Variants in CDH10 observed in about 807,000 individuals in gnomAD.
The protein encoded by CDH10 is cadherin 10.
A neutral mutation model predicts 73.1 loss-of-function variants in CDH10; 30 were observed. That is an observed-to-expected ratio of 0.41 (90% CI 0.31 to 0.56). CDH10 has a LOEUF of 0.56. Ranked by LOEUF, CDH10 falls within the 20% of genes least tolerant of loss-of-function variation. CDH10 has a pLI of 0.27. For synonymous variants in CDH10, 345 were observed against 348.2 expected (o/e 0.99, Z 0.10); for missense variants, 815 against 973.7 (o/e 0.84, Z 2.17).
intron 2 of CDH10, among the ~76,000 whole-genome samples, chr5:24,575,217 C>A (rs1373030570): frequency 6.6e-6 from 1 of 151,624 alleles, no homozygotes; most frequent in Admixed American, 6.6e-5. Flanking sequence ...TAAAAATTAC[C>A]CAGGCATGGT....
chr5:24,560,820 C>A (rs1455500987), intron 2 of CDH10, among the ~76,000 whole-genome samples: 1 of 152,014 alleles, frequency 6.6e-6, no homozygotes, highest in East Asian at 1.9e-4. Context: ...GAAACCTGTC[C>A]ACAAAAATAA....
chr5:24,517,184 C>CA (rs1743140155), intron 5 of CDH10, among the ~76,000 whole-genome samples: 1 of 152,024 alleles, frequency 6.6e-6, no homozygotes, highest in Non-Finnish European at 1.5e-5. Context: ...AACACTATAA[C>CA]ATTTGAACTG....
chr5:24,519,111 A>C (rs552467925), intron 5 of CDH10, among the ~76,000 whole-genome samples: 1 of 151,690 alleles, frequency 6.6e-6, no homozygotes, highest in Non-Finnish European at 1.5e-5. Context: ...GGCTGGTCTC[A>C]AATTCCTGGC....
chr5:24,628,256 T>C (rs1321745842), intron 1 of CDH10, among the ~76,000 whole-genome samples: 2 of 152,128 alleles, frequency 1.3e-5, no homozygotes, highest in African/African-American at 2.4e-5. Flanking sequence ...ACCAACAGCA[T>C]AGACTAGAGA....
chr5:24,577,088 AC>A lies in CDH10; in HGVS notation c.231+16171del, dbSNP rs1311055001. 6.5e-3 allele frequency among the ~76,000 whole-genome samples: 418 copies of A among 64,400 alleles called. 3 individuals carry two copies. Among genetic ancestry groups the A allele is most frequent in the Middle Eastern group, 0.011 (1 of 94 alleles). 42.2% of individuals were successfully genotyped at this position (64,400 alleles called of 152,430 possible). A position where few individuals can be genotyped will look rare whatever the true frequency, so the allele number is the denominator to read the frequency against. ...CGTCAAAGTTATTTAAAAAAAAAAA[AC>A]CAAAAACTGTGAAGCTTCCACAGCA... On this transcript the variant is annotated intron_variant, in intron 2 of 11. Transcript: ENST00000264463.
At chr5:24,511,705 G>T (rs1229561313) in intron 5 of CDH10, among the ~76,000 whole-genome samples, 191 bp from the exon 6 acceptor site, 1 of 152,052 alleles carries the variant, frequency 6.6e-6, no homozygotes, top group Non-Finnish European at 1.5e-5. Flanking sequence ...TAACATTAAG[G>T]TCTAGGAACT....
chr5:24,508,511 C>T lies in CDH10; in HGVS notation c.1256+1055G>A, dbSNP rs146623532. Among the ~76,000 whole-genome samples the T allele has an allele frequency of 3.2e-3, 482 of 152,246 alleles. 4 individuals are homozygous for T. The highest frequency in any genetic ancestry group is 0.011 in the African/African-American group (455 of 41,538). ...TAAAATCATAATATAACCCACATTG[C>T]AGCATTGCAATTACTTTTTTCTTTT... is the stretch of plus-strand genomic sequence containing the variant. On this transcript the variant is annotated intron_variant, in intron 7 of 11. Coordinates refer to ENST00000264463, the MANE Select transcript of CDH10 (RefSeq NM_006727.5).
intron 2 of CDH10, among the ~76,000 whole-genome samples, chr5:24,555,928 A>T (rs560298390): frequency 4.1e-4 from 62 of 152,254 alleles, no homozygotes; most frequent in Admixed American, 1.2e-3. Context: ...CTCAAAGATA[A>T]TAAGCTTGAT....
chr5:24,597,713 A>T (rs1360113545), intron 1 of CDH10, among the ~76,000 whole-genome samples: 2 of 151,954 alleles, frequency 1.3e-5, no homozygotes, highest in African/African-American at 4.8e-5. Flanking sequence ...ACTTATCACA[A>T]ATATTATTTT....
chr5:24,583,042 T>C (rs1385369063), intron 2 of CDH10, among the ~76,000 whole-genome samples: 1 of 149,492 alleles, frequency 6.7e-6, no homozygotes, highest in East Asian at 2.0e-4. Flanking sequence ...GCACCTGTCA[T>C]ATTGCTATAT....
At chr5:24,596,999 C>G (rs555590848) in intron 1 of CDH10, among the ~76,000 whole-genome samples, 2 of 151,928 alleles carry the variant, frequency 1.3e-5, no homozygotes, top group African/African-American at 4.8e-5. Context: ...TAAACTACCT[C>G]TCTGACTAAA....
chr5:24,635,060 G>A (rs958934794), intron 1 of CDH10, among the ~76,000 whole-genome samples: 17 of 150,494 alleles, frequency 1.1e-4, no homozygotes, highest in African/African-American at 4.1e-4. Context: ...CACCTTGAAT[G>A]TGAAGAATGA....
chr5:24,595,263 C>G (rs1293521318), intron 1 of CDH10, among the ~76,000 whole-genome samples: 1 of 151,858 alleles, frequency 6.6e-6, no homozygotes, highest in East Asian at 1.9e-4. Context: ...AGTACTCCTG[C>G]TTTTACATTT....
At chr5:24,604,958 T>C (rs1746708321) in intron 1 of CDH10, among the ~76,000 whole-genome samples, 1 of 151,774 alleles carries the variant, frequency 6.6e-6, no homozygotes, top group Non-Finnish European at 1.5e-5. Context: ...AAAATGTGTC[T>C]CTGATAAAGT....
At chr5:24,633,023 G>A (rs1429966639) in intron 1 of CDH10, among the ~76,000 whole-genome samples, 5 of 151,662 alleles carry the variant, frequency 3.3e-5, no homozygotes, top group Non-Finnish European at 2.9e-5. Context: ...ATAAAGTAGG[G>A]AAAAATTTTG....
intron 5 of CDH10, among the ~76,000 whole-genome samples, chr5:24,519,608 C>T (rs974369847): frequency 1.3e-5 from 2 of 152,060 alleles, no homozygotes; most frequent in Admixed American, 1.3e-4. Flanking sequence ...GACAACTACC[C>T]TAAAATTAAA....
rs6882202 is a variant in CDH10 at position 24,537,372 on chromosome 5, G to T, written c.526+8C>A. The T allele has an allele frequency of 0.028, 44,501 of 1,588,874 alleles. 1,080 individuals are homozygous for T. The highest frequency in any genetic ancestry group is 0.12 in the African/African-American group (8,872 of 73,550). On this transcript the variant is annotated splice_region_variant and intron_variant, in intron 3 of 11. Coordinates refer to ENST00000264463, the MANE Select transcript of CDH10 (RefSeq NM_006727.5). Reference sequence around the variant, plus strand: ...GAATACCATCATAAACGCTGTAAATGAACTTACCTACAACAGACATTTCGG... The same window carrying T: ...GAATACCATCATAAACGCTGTAAATTAACTTACCTACAACAGACATTTCGG...
At chr5:24,596,883 G>T in intron 1 of CDH10, among the ~76,000 whole-genome samples, 1 of 151,824 alleles carries the variant, frequency 6.6e-6, no homozygotes, top group Non-Finnish European at 1.5e-5. Flanking sequence ...AGAAATAAAA[G>T]CTAAATTTTA....
chr5:24,508,064 T>C (rs1367110890), intron 7 of CDH10, among the ~76,000 whole-genome samples: 1 of 152,186 alleles, frequency 6.6e-6, no homozygotes, highest in Admixed American at 6.5e-5. Context: ...CTGTGGCATA[T>C]GTAGGAGAAA....
Sources: allele counts gnomAD v4.1 joint callset (sites outside exome capture counted in the v4.1 genomes callset), GRCh38; gene constraint gnomAD v4.1.1; transcripts MANE v1.5; gene names NCBI Gene and HGNC (gene_info 2026-07-23, HGNC 2026-07-21).